Variants in XPR1 observed in about 807,000 individuals in gnomAD.
XPR1 encodes the protein solute carrier family 53 member 1.
Under a neutral mutation model 87.5 loss-of-function variants are expected in XPR1, and 28 were observed. The ratio of observed to expected loss-of-function variants is 0.32; its 90% confidence interval spans 0.24 to 0.44. The LOEUF (loss-of-function observed/expected upper bound fraction) is 0.44. XPR1 is among the 20% of genes least tolerant of loss of function. The probability of loss-of-function intolerance (pLI) is 1.00; values close to 1 mark genes in which losing one functional copy is unlikely to be tolerated. For missense variants in XPR1, 559 were observed against 862.3 expected (o/e 0.65, Z 4.41); for synonymous variants, 300 against 306.1 (o/e 0.98, Z 0.21).
chr1:180,849,485 A>C (rs1002281949), intron 11 of XPR1, among the ~76,000 whole-genome samples: 13 of 152,194 alleles, frequency 8.5e-5, no homozygotes, highest in African/African-American at 3.1e-4. Context: ...GAGTAGGATT[A>C]GGGCGATCCA....
intron 3 of XPR1, among the ~76,000 whole-genome samples, chr1:180,794,182 A>G (rs771251043): frequency 3.9e-5 from 6 of 152,236 alleles, no homozygotes; most frequent in Non-Finnish European, 5.9e-5. Flanking sequence ...CACATGTAGC[A>G]TATATAGTAT....
intron 9 of XPR1, among the ~76,000 whole-genome samples, chr1:180,833,036 T>C (rs10914115): frequency 0.35 from 52,621 of 152,052 alleles, 9,525 homozygotes; most frequent in Non-Finnish European, 0.39. Context: ...CTTATTTCCT[T>C]GAGCAGTGGT....
chr1:180,678,800 A>G (rs895928733), intron 1 of XPR1, among the ~76,000 whole-genome samples: 6 of 152,232 alleles, frequency 3.9e-5, no homozygotes, highest in African/African-American at 1.4e-4. Context: ...ACTTGGGAAG[A>G]ATATAATTTA....
intron 2 of XPR1, among the ~76,000 whole-genome samples, chr1:180,711,622 G>A (rs1035006436): frequency 1.3e-5 from 2 of 151,852 alleles, no homozygotes; most frequent in East Asian, 3.9e-4. Context: ...GAGAGGGAGA[G>A]GGGGGAGAGT....
chr1:180,678,941 A>G (rs967079796), intron 1 of XPR1, among the ~76,000 whole-genome samples: 13 of 151,742 alleles, frequency 8.6e-5, no homozygotes, highest in African/African-American at 3.1e-4. Flanking sequence ...CACGCCTGTA[A>G]TCCCAGCACT....
intron 3 of XPR1, among the ~76,000 whole-genome samples, chr1:180,801,982 GAC>G: frequency 1.3e-5 from 2 of 151,986 alleles, no homozygotes; most frequent in East Asian, 3.9e-4. Context: ...TTTTAGTAGA[GAC>G]AGGGTTTCAC....
intron 2 of XPR1, among the ~76,000 whole-genome samples, chr1:180,751,179 T>C (rs1647522027): frequency 6.6e-6 from 1 of 152,042 alleles, no homozygotes. Flanking sequence ...TTACATAATA[T>C]GTTATATTGC....
intron 6 of XPR1, among the ~76,000 whole-genome samples, chr1:180,810,715 T>G (rs1650176776): frequency 6.6e-6 from 1 of 151,940 alleles, no homozygotes; most frequent in African/African-American, 2.4e-5. Flanking sequence ...CTTTAAAAAT[T>G]TACAATTTCA....
intron 2 of XPR1, among the ~76,000 whole-genome samples, chr1:180,725,225 A>C (rs1247867358): frequency 6.6e-6 from 1 of 152,190 alleles, no homozygotes; most frequent in East Asian, 1.9e-4. Context: ...ATTTTAGTGG[A>C]TACATCCTGG....
chr1:180,824,132 A>C (rs756381711), intron 7 of XPR1, among the ~76,000 whole-genome samples: 15 of 152,242 alleles, frequency 9.9e-5, no homozygotes, highest in Non-Finnish European at 1.9e-4. Context: ...ACATGATTCT[A>C]AGCCACTTCA....
chr1:180,740,098 G>A (rs151279119), intron 2 of XPR1, among the ~76,000 whole-genome samples: 2,177 of 152,178 alleles, frequency 0.014, 21 homozygotes, highest in Admixed American at 0.021. Flanking sequence ...AATTCCTTGG[G>A]ATTGTCTACA....
intron 11 of XPR1, among the ~76,000 whole-genome samples, chr1:180,843,385 A>G (rs1651579087): frequency 6.6e-6 from 1 of 152,152 alleles, no homozygotes; most frequent in Admixed American, 6.5e-5. Flanking sequence ...ACTCTTTCAA[A>G]ATTGATATAT....
Position 180,824,961 on chromosome 1 carries a change from T to C in XPR1, c.954+18T>C, listed in dbSNP as rs1431642200. The C allele has an allele frequency of 1.9e-6, 3 of 1,609,554 alleles. No individual in the cohort carries two copies. The highest frequency in any genetic ancestry group is 2.5e-6 in the Non-Finnish European group (3 of 1,178,152). On this transcript the variant is annotated intron_variant, in intron 8 of 14. Coordinates refer to ENST00000367590, the MANE Select transcript of XPR1 (RefSeq NM_004736.4). ...TCTTTGAGGTAATCAAAGCAAGACA[T>C]AACACCTCATGAATATAGTTTGCAT...
chr1:180,684,125 T>C (rs926069246), intron 2 of XPR1, among the ~76,000 whole-genome samples: 5 of 152,222 alleles, frequency 3.3e-5, no homozygotes, highest in African/African-American at 1.2e-4. Flanking sequence ...CTTTAATCCA[T>C]CTTGAATTAA....
chr1:180,736,363 T>G (rs1346667091), intron 2 of XPR1, among the ~76,000 whole-genome samples: 1 of 152,218 alleles, frequency 6.6e-6, no homozygotes, highest in East Asian at 1.9e-4. Flanking sequence ...AGGACTCTTT[T>G]AAGGGTTTGC....
At chr1:180,832,019 T>C (rs1651083729) in intron 9 of XPR1, among the ~76,000 whole-genome samples, 2 of 152,216 alleles carry the variant, frequency 1.3e-5, no homozygotes, top group Non-Finnish European at 2.9e-5. Context: ...ACCAACAGTG[T>C]AAAAGCATTA....
At chr1:180,704,364 C>T (rs1657477893) in intron 2 of XPR1, among the ~76,000 whole-genome samples, 1 of 147,670 alleles carries the variant, frequency 6.8e-6, no homozygotes, top group East Asian at 2.0e-4. Flanking sequence ...ATGGTGATAT[C>T]CTAATGCTCC....
At chr1:180,811,815 G>A (rs1025596503) in intron 7 of XPR1, among the ~76,000 whole-genome samples, 3 of 152,042 alleles carry the variant, frequency 2.0e-5, no homozygotes, top group African/African-American at 7.2e-5. Flanking sequence ...CATAGATGAG[G>A]ATAAATAATG....
At chr1:180,760,800 A>G (rs918173488) in intron 2 of XPR1, among the ~76,000 whole-genome samples, 10 of 152,212 alleles carry the variant, frequency 6.6e-5, no homozygotes, top group Non-Finnish European at 8.8e-5. Context: ...AAGAGCCCGC[A>G]TCGCCAAGTC....
Sources: gnomAD v4.1 joint callset for allele counts (sites outside exome capture counted in the v4.1 genomes callset) on GRCh38, gnomAD v4.1.1 for gene constraint, MANE v1.5 for transcripts, NCBI Gene and HGNC (gene_info 2026-07-23, HGNC 2026-07-21) for gene names.